Variants in CNTNAP2 observed in about 807,000 individuals in gnomAD.
CNTNAP2 encodes contactin-associated protein-like 2.
Under a neutral mutation model 155.2 loss-of-function variants are expected in CNTNAP2, and 98 were observed. That is an observed-to-expected ratio of 0.63 (90% CI 0.54 to 0.75). CNTNAP2 has a LOEUF of 0.75. Ranked by LOEUF, CNTNAP2 falls within the 30% of genes least tolerant of loss-of-function variation. CNTNAP2 has a pLI of 0.00. For synonymous variants in CNTNAP2, 651 were observed against 631.2 expected (o/e 1.03, Z -0.47); for missense variants, 1,727 against 1,688.1 (o/e 1.02, Z -0.40).
intron 4 of CNTNAP2, among the ~76,000 whole-genome samples, chr7:147,096,719 G>T (rs562655339): frequency 6.6e-6 from 1 of 152,268 alleles, no homozygotes; most frequent in Non-Finnish European, 1.5e-5. Context: ...TGTAAGTACT[G>T]CTCATTTATG....
intron 1 of CNTNAP2, among the ~76,000 whole-genome samples, chr7:146,660,651 T>G (rs555084797): frequency 6.6e-6 from 1 of 152,368 alleles, no homozygotes; most frequent in African/African-American, 2.4e-5. Context: ...GGTGTTATTC[T>G]ATCTTTCAGA....
At chr7:148,063,696 G>C (rs1044911755) in intron 15 of CNTNAP2, among the ~76,000 whole-genome samples, 3 of 151,760 alleles carry the variant, frequency 2.0e-5, no homozygotes, top group Non-Finnish European at 4.4e-5. Context: ...TTACTCTGCT[G>C]ATTACTTCTT....
At chr7:147,537,590 G>A (rs1452228288) in intron 11 of CNTNAP2, among the ~76,000 whole-genome samples, 1 of 151,916 alleles carries the variant, frequency 6.6e-6, no homozygotes, top group Non-Finnish European at 1.5e-5. Context: ...AAAAAAAGTT[G>A]TAGCTTCTTA....
Position 146,928,723 on chromosome 7 carries a change from A to G in CNTNAP2, c.402+88819A>G, listed in dbSNP as rs540039457. Among the ~76,000 whole-genome samples the G allele has an allele frequency of 3.0e-4, 45 of 152,218 alleles. No individual in the cohort carries two copies. The South Asian group carries it at 8.1e-3, about 27-fold the overall frequency. Reference sequence around the variant, plus strand: ...CAGAAGGCATCTGGAAAATCGGGTCACTCCCACCCTAATACTGTGCTTTTC... The same window carrying G: ...CAGAAGGCATCTGGAAAATCGGGTCGCTCCCACCCTAATACTGTGCTTTTC... On this transcript the variant is annotated intron_variant, in intron 3 of 23. Coordinates refer to ENST00000361727, the MANE Select transcript of CNTNAP2 (RefSeq NM_014141.6).
chr7:146,457,419 T>A (rs1209753917), intron 1 of CNTNAP2, among the ~76,000 whole-genome samples: 1 of 140,938 alleles, frequency 7.1e-6, no homozygotes. Context: ...TGATTATATA[T>A]TCATTTTTGA....
At chr7:146,275,309 A>C (rs2129083982) in intron 1 of CNTNAP2, among the ~76,000 whole-genome samples, 1 of 152,326 alleles carries the variant, frequency 6.6e-6, no homozygotes, top group Admixed American at 6.5e-5. Flanking sequence ...AAAAAATAGT[A>C]ACTTAACAAG....
At chr7:148,140,096 G>T (rs1040957724) in intron 16 of CNTNAP2, among the ~76,000 whole-genome samples, 1 of 152,132 alleles carries the variant, frequency 6.6e-6, no homozygotes, top group Non-Finnish European at 1.5e-5. Context: ...ATCAGACAGG[G>T]GTAGAAGCAC....
At chr7:146,819,420 T>C (rs569039202) in intron 2 of CNTNAP2, among the ~76,000 whole-genome samples, 1 of 152,280 alleles carries the variant, frequency 6.6e-6, no homozygotes, top group South Asian at 2.1e-4. Flanking sequence ...TAGAAAACTT[T>C]TCTCCTTGGC....
chr7:148,134,242 A>G (rs376250361), intron 16 of CNTNAP2, among the ~76,000 whole-genome samples: 1 of 152,214 alleles, frequency 6.6e-6, no homozygotes, highest in Admixed American at 6.5e-5. Context: ...CTTTTTATGA[A>G]GAGTGGTTGA....
chr7:148,095,184 G>T (rs147748329), intron 15 of CNTNAP2, among the ~76,000 whole-genome samples: 1 of 152,230 alleles, frequency 6.6e-6, no homozygotes, highest in African/African-American at 2.4e-5. Flanking sequence ...CCACAGAAAC[G>T]CCAGTTTGCC....
At position 147,291,036 on chromosome 7, in the gene CNTNAP2, A is replaced by G. The variant is rs188657211; in HGVS notation, c.1349-9105A>G. On this transcript the variant is annotated intron_variant, in intron 8 of 23. Coordinates refer to ENST00000361727, the MANE Select transcript of CNTNAP2 (RefSeq NM_014141.6). Reference sequence around the variant, plus strand: ...CAGCAAACATGGAATCAGCATATAGAACTTTTTCTCTCCCTCAGAAAGTTC... The same window carrying G: ...CAGCAAACATGGAATCAGCATATAGGACTTTTTCTCTCCCTCAGAAAGTTC... Among the ~76,000 whole-genome samples the G allele has an allele frequency of 1.3e-3, 205 of 152,248 alleles. 2 individuals carry two copies. Among genetic ancestry groups the G allele is most frequent in the African/African-American group, 4.0e-3 (166 of 41,550 alleles).
At chr7:148,331,015 GGACA>G (rs1797991721) in intron 21 of CNTNAP2, among the ~76,000 whole-genome samples, 1 of 150,496 alleles carries the variant, frequency 6.6e-6, no homozygotes, top group Non-Finnish European at 1.5e-5. Flanking sequence ...TGGATGGAAT[GGACA>G]GATGGATGGA....
At chr7:146,394,240 C>T (rs1218541709) in intron 1 of CNTNAP2, among the ~76,000 whole-genome samples, 1 of 152,074 alleles carries the variant, frequency 6.6e-6, no homozygotes, top group Non-Finnish European at 1.5e-5. Flanking sequence ...AAAGTAGAGA[C>T]CTGCTATGGA....
intron 3 of CNTNAP2, among the ~76,000 whole-genome samples, chr7:146,984,260 G>A (rs1215587625): frequency 2.0e-5 from 3 of 151,340 alleles, no homozygotes; most frequent in East Asian, 1.9e-4. Context: ...CCAGCTACTC[G>A]GGAGGCTGAG....
At chr7:146,480,419 A>C (rs1796941660) in intron 1 of CNTNAP2, among the ~76,000 whole-genome samples, 1 of 151,952 alleles carries the variant, frequency 6.6e-6, no homozygotes, top group Non-Finnish European at 1.5e-5. Context: ...ATGATTATAT[A>C]TCTTAAAATA....
rs73472288 is a variant in CNTNAP2 at position 148,127,817 on chromosome 7, T to C, written c.2554+9529T>C. Among the ~76,000 whole-genome samples, 1,305 of 152,330 alleles carry C rather than the reference T, an allele frequency of 8.6e-3. 24 individuals are homozygous for C. The highest frequency in any genetic ancestry group is 0.03 in the African/African-American group (1,240 of 41,568). On this transcript the variant is annotated intron_variant, in intron 16 of 23. Transcript: ENST00000361727. ...GTTATTTAGGATGTTTTAAAAAATATTGTGTTTTTTATTAGTACAAATCAG... is the reference window on the plus strand; with the variant it reads ...GTTATTTAGGATGTTTTAAAAAATACTGTGTTTTTTATTAGTACAAATCAG...
intron 9 of CNTNAP2, among the ~76,000 whole-genome samples, chr7:147,371,217 A>C (rs778247629): frequency 6.6e-6 from 1 of 152,178 alleles, no homozygotes. Flanking sequence ...ACGACCATAT[A>C]TATCATACGG....
chr7:147,748,478 A>C (rs1469182155), intron 13 of CNTNAP2, among the ~76,000 whole-genome samples: 9 of 152,202 alleles, frequency 5.9e-5, no homozygotes, highest in African/African-American at 2.2e-4. Flanking sequence ...CCGCAACTCA[A>C]ACTTGCTTAA....
At chr7:147,803,923 T>C (rs1369225142) in intron 13 of CNTNAP2, among the ~76,000 whole-genome samples, 1 of 152,220 alleles carries the variant, frequency 6.6e-6, no homozygotes, top group Non-Finnish European at 1.5e-5. Flanking sequence ...TTTCTTTGAC[T>C]CGTTTACATG....
Sources: allele counts gnomAD v4.1 joint callset (sites outside exome capture counted in the v4.1 genomes callset), GRCh38; gene constraint gnomAD v4.1.1; transcripts MANE v1.5; gene names NCBI Gene and HGNC (gene_info 2026-07-23, HGNC 2026-07-21).